WNK2: variants seen among roughly 807,000 people sequenced by gnomAD.
WNK2 encodes the protein WNK lysine deficient protein kinase 2, also known as serine/threonine-protein kinase WNK2.
In WNK2, 67 loss-of-function variants were observed where a neutral mutation model predicts 192.1. That is an observed-to-expected ratio of 0.35 (90% CI 0.29 to 0.43). The LOEUF (loss-of-function observed/expected upper bound fraction) is 0.43. Ranked by LOEUF, WNK2 falls within the 20% of genes least tolerant of loss-of-function variation. The pLI, the probability that WNK2 is intolerant of heterozygous loss-of-function variation, is 1.00. For synonymous variants in WNK2, 1,439 were observed against 1,393.9 expected, an observed-to-expected ratio of 1.03 and a Z score of -0.72; for missense variants, 2,698 against 3,089.7, an observed-to-expected ratio of 0.87 and a Z score of 3.01.
intron 27 of WNK2, 92 bp from the exon 28 acceptor site, chr9:93,308,236 C>T: frequency 6.7e-7 from 1 of 1,482,282 alleles, no homozygotes; most frequent in Non-Finnish European, 9.0e-7. Context: ...ACCATTGTCT[C>T]AGCTGTCACG....
chr9:93,270,391 G>A (rs1845842404), intron 19 of WNK2, among the ~76,000 whole-genome samples: 2 of 152,240 alleles, frequency 1.3e-5, no homozygotes, highest in South Asian at 4.1e-4. Flanking sequence ...GCTGGGTAAG[G>A]TAGAGAAAGC....
rs1841865930 is a variant in WNK2 at position 93,247,152 on chromosome 9, G to A, written c.1543-391G>A. 6.6e-6 allele frequency among the ~76,000 whole-genome samples: 1 copy of A among 152,212 alleles called. No individual in the cohort carries two copies. Among genetic ancestry groups the A allele is most frequent in the African/African-American group, 2.4e-5 (1 of 41,452 alleles). ...TTTGGGCAGCCCCAGACTCAGAGACGTTTCAGGAAAATGCTAGCTCCAAAG... is the reference window on the plus strand; with the variant it reads ...TTTGGGCAGCCCCAGACTCAGAGACATTTCAGGAAAATGCTAGCTCCAAAG... On this transcript the variant is annotated intron_variant, in intron 7 of 29. Coordinates refer to ENST00000427277, the MANE Select transcript of WNK2 (RefSeq NM_006648.4). This position sits in a 1 kb window ranked among gnomAD's most constrained non-coding sequence, Gnocchi z 5.2.
rs763507788 is a variant in WNK2 at position 93,293,185 on chromosome 9, G to A, written c.5708+12G>A. On this transcript the variant is annotated intron_variant, in intron 23 of 29. Transcript: ENST00000427277. ...AGTCTGCGGGAGAAGTAGGTCCTGC[G>A]GGCAGGAAGTGTTGCCCCCGCCCCT... is the stretch of plus-strand genomic sequence containing the variant. 4.9e-5 allele frequency: 72 copies of A among 1,457,202 alleles called. No individual in the cohort carries two copies. Among genetic ancestry groups the A allele is most frequent in the Admixed American group, 1.1e-4 (4 of 37,742 alleles). The allele number at this position is 1,457,202 out of a possible 1,614,324, so 90.3% of individuals were successfully genotyped here.
intron 2 of WNK2, among the ~76,000 whole-genome samples, chr9:93,227,298 A>G (rs1296853908): frequency 6.6e-6 from 1 of 151,898 alleles, no homozygotes; most frequent in Non-Finnish European, 1.5e-5. Flanking sequence ...TATTTTTAGT[A>G]GAGACGGGGT....
At chr9:93,209,443 C>A (rs1834087863) in intron 2 of WNK2, among the ~76,000 whole-genome samples, 1 of 152,206 alleles carries the variant, frequency 6.6e-6, no homozygotes, top group Non-Finnish European at 1.5e-5. Context: ...CGGGACAGGT[C>A]TTGCAGCCTG....
At chr9:93,272,986 T>G (rs747282558) in intron 19 of WNK2, among the ~76,000 whole-genome samples, 45 of 152,002 alleles carry the variant, frequency 3.0e-4, no homozygotes, top group Non-Finnish European at 5.7e-4. Flanking sequence ...ATTAGAAACT[T>G]CAAGTACAAC....
At chr9:93,304,280 C>T (rs1169216204) in intron 26 of WNK2, among the ~76,000 whole-genome samples, 1 of 152,204 alleles carries the variant, frequency 6.6e-6, no homozygotes, top group Non-Finnish European at 1.5e-5. Flanking sequence ...GGGGAGGGAG[C>T]CTCCACTTGC....
In WNK2 at chr9:93,262,733, G is replaced by T. The variant is rs768804012; in HGVS notation, c.3410+14G>T. ...GAGCTGTGAGAGGTAGTGTGGCCCA[G>T]CCTCGACCTCGCAGGACGGGTGTAG... On this transcript the variant is annotated intron_variant, in intron 14 of 29. Coordinates refer to ENST00000427277, the MANE Select transcript of WNK2 (RefSeq NM_006648.4). 3.1e-6 allele frequency: 5 copies of T among 1,611,662 alleles called. No homozygotes were observed. The highest frequency in any genetic ancestry group is 2.5e-6 in the Non-Finnish European group (3 of 1,179,838).
rs746342840 is a variant in WNK2, at chr9:93,256,971, A to T, written c.2214A>T (p.Thr738=). 1.3e-6 allele frequency: 2 copies of T among 1,580,448 alleles called. No homozygotes were observed. The highest frequency in any genetic ancestry group is 4.6e-5 in the East Asian group (2 of 43,264). ...GQQPPPLAQP[T]PLPQVLAPQP... ...AGCCTCCTCCGCTGGCCCAGCCGAC[A>T]CCCCTGCCGCAGGTCCTGGCCCCAC... The change falls in exon 11 of 30, where the codon ACA becomes ACT. Residue 738 remains threonine (T), a synonymous_variant. Coordinates refer to ENST00000427277, the MANE Select transcript of WNK2 (RefSeq NM_006648.4).
intron 2 of WNK2, among the ~76,000 whole-genome samples, chr9:93,226,852 G>A (rs1026298179): frequency 2.0e-5 from 3 of 152,118 alleles, no homozygotes; most frequent in African/African-American, 7.2e-5. Context: ...GGTGCGGCAT[G>A]GTTCATTCAC....
At chr9:93,256,481 T>C in intron 10 of WNK2, 27 bp downstream of exon 10, 2 of 1,497,256 alleles carry the variant, frequency 1.3e-6, no homozygotes, top group Non-Finnish European at 1.8e-6. Context: ...CTGTGGCCAC[T>C]GTCCCTCCAG....
At chr9:93,295,408 T>G (rs1850090834) in intron 23 of WNK2, among the ~76,000 whole-genome samples, 1 of 152,164 alleles carries the variant, frequency 6.6e-6, no homozygotes, top group African/African-American at 2.4e-5. Context: ...CAGAGTTTTA[T>G]TTTTATTTAT....
intron 5 of WNK2, among the ~76,000 whole-genome samples, chr9:93,235,524 G>A (rs1192039102): frequency 6.6e-6 from 1 of 152,208 alleles, no homozygotes; most frequent in South Asian, 2.1e-4. Flanking sequence ...TTAATCGGAC[G>A]GCTTCAGCTG....
chr9:93,195,817 A>G (rs1251826822), intron 2 of WNK2, among the ~76,000 whole-genome samples: 3 of 151,426 alleles, frequency 2.0e-5, no homozygotes, highest in Non-Finnish European at 4.4e-5. Context: ...TTGTTTGCAC[A>G]TGTATAGCAT....
intron 29 of WNK2, chr9:93,318,776 C>T: frequency 5.7e-6 from 8 of 1,413,812 alleles, no homozygotes; most frequent in Non-Finnish European, 6.4e-6. Context: ...GGTCATTCTT[C>T]TCCTGGAGAT....
intron 2 of WNK2, among the ~76,000 whole-genome samples, chr9:93,219,610 AG>A (rs1219475426): frequency 6.6e-6 from 1 of 152,228 alleles, no homozygotes; most frequent in Admixed American, 6.5e-5. Flanking sequence ...GCGCCTACTC[AG>A]GGTAGTGTGG....
intron 14 of WNK2, 136 bp from the exon 15 acceptor site, chr9:93,263,430 C>A: frequency 1.0e-6 from 1 of 983,562 alleles, no homozygotes; most frequent in Non-Finnish European, 1.4e-6. Context: ...GGTATTCGCA[C>A]AGGACGGGCT....
chr9:93,203,457 G>A (rs1462410880), intron 2 of WNK2, among the ~76,000 whole-genome samples: 1 of 152,186 alleles, frequency 6.6e-6, no homozygotes, highest in African/African-American at 2.4e-5. Context: ...GCTCTGGGGA[G>A]CCGGGAGACC....
At chr9:93,249,676 G>C (rs528740747) in intron 8 of WNK2, among the ~76,000 whole-genome samples, 1 of 151,442 alleles carries the variant, frequency 6.6e-6, no homozygotes, top group African/African-American at 2.4e-5. Flanking sequence ...GGGTTTCACC[G>C]TGTTAGCCAG....
Sources: allele counts gnomAD v4.1 joint callset (sites outside exome capture counted in the v4.1 genomes callset), GRCh38; gene constraint gnomAD v4.1.1; non-coding constraint Gnocchi (gnomAD v3.1); transcripts MANE v1.5; gene names NCBI Gene and HGNC (gene_info 2026-07-23, HGNC 2026-07-21).